The following NCAPD3 variants were observed in gnomAD, a reference collection of about 807,000 sequenced individuals.
The protein encoded by NCAPD3 is non-SMC condensin II complex subunit D3, also known as condensin-2 complex subunit D3.
Under a neutral mutation model 182.9 loss-of-function variants are expected in NCAPD3, and 105 were observed. That is an observed-to-expected ratio of 0.57 (90% CI 0.49 to 0.68). NCAPD3 has a LOEUF of 0.68. NCAPD3 is among the 30% of genes least tolerant of loss of function. The pLI, the probability that NCAPD3 is intolerant of heterozygous loss-of-function variation, is 0.00. For missense variants in NCAPD3, 1,944 were observed against 1,837.0 expected (o/e 1.06, Z -1.07); for synonymous variants, 815 against 679.9 (o/e 1.20, Z -3.09).
At chr11:134,216,287 C>CAG (rs1938019394) in intron 3 of NCAPD3, among the ~76,000 whole-genome samples, 1 of 152,174 alleles carries the variant, frequency 6.6e-6, no homozygotes, top group Admixed American at 6.5e-5. Flanking sequence ...CAAAGATAAG[C>CAG]AGCAAGGTGA....
chr11:134,219,444 G>C (rs1938148625), intron 2 of NCAPD3, among the ~76,000 whole-genome samples: 1 of 152,116 alleles, frequency 6.6e-6, no homozygotes, highest in Non-Finnish European at 1.5e-5. Context: ...TCCTCCCTGA[G>C]GTCCCTGGGG....
chr11:134,181,127 T>C lies in NCAPD3; in HGVS notation c.2509A>G (p.Asn837Asp), dbSNP rs901837623. The C allele has an allele frequency of 4.3e-6, 7 of 1,614,032 alleles. No individual in the cohort carries two copies. Among genetic ancestry groups the C allele is most frequent in the Non-Finnish European group, 5.9e-6 (7 of 1,180,024 alleles). ...VLSTCEHRLS[N>D]IVLKENGTGN... Reference sequence around the variant, plus strand: ...GTTCCATTCTCCTTGAGAACGATGTTGGAGAGGCGGTGCTCGCAGGTGGAG... The same window carrying C: ...GTTCCATTCTCCTTGAGAACGATGTCGGAGAGGCGGTGCTCGCAGGTGGAG... The change falls in exon 20 of 35, where the codon AAC (asparagine) becomes GAC (aspartate). Residue 837 changes from asparagine to aspartate, a missense_variant. Transcript: ENST00000534548.
At chr11:134,153,501 C>G in intron 32 of NCAPD3, 138 bp from the exon 33 acceptor site, 1 of 839,984 alleles carries the variant, frequency 1.2e-6, no homozygotes, top group Non-Finnish European at 2.0e-6. Context: ...TGGACCCTGT[C>G]CCAGGGCCTG....
intron 16 of NCAPD3, among the ~76,000 whole-genome samples, chr11:134,190,679 A>G (rs1944505406): frequency 6.6e-6 from 1 of 152,080 alleles, no homozygotes; most frequent in Non-Finnish European, 1.5e-5. Flanking sequence ...GTCTCACCAC[A>G]TTGCCAGGGA....
At chr11:134,190,235 A>C (rs1792707377) in intron 16 of NCAPD3, among the ~76,000 whole-genome samples, 1 of 152,178 alleles carries the variant, frequency 6.6e-6, no homozygotes, top group South Asian at 2.1e-4. Flanking sequence ...AATGCCAATC[A>C]GCATCTCTAA....
chr11:134,159,492 A>G (rs1406701615), intron 29 of NCAPD3, among the ~76,000 whole-genome samples: 1 of 152,228 alleles, frequency 6.6e-6, no homozygotes, highest in African/African-American at 2.4e-5. Context: ...CTTTGTGCTC[A>G]TTGGTCTTTC....
intron 16 of NCAPD3, among the ~76,000 whole-genome samples, chr11:134,190,015 A>C (rs560276903): frequency 6.6e-6 from 1 of 152,208 alleles, no homozygotes; most frequent in Non-Finnish European, 1.5e-5. Context: ...GAAGTCATTT[A>C]CATTTATAGA....
At chr11:134,205,044 A>G (rs1242428059) in intron 8 of NCAPD3, 73 bp from the exon 9 acceptor site, 2 of 1,139,884 alleles carry the variant, frequency 1.8e-6, no homozygotes, top group Non-Finnish European at 2.6e-6. Context: ...CTACTCCTAT[A>G]TTTAGAAATC....
chr11:134,153,391 G>A (rs1943319744), intron 32 of NCAPD3, 28 bp from the exon 33 acceptor site: 2 of 1,610,158 alleles, frequency 1.2e-6, no homozygotes, highest in Admixed American at 3.3e-5. Context: ...ACCACTGAGT[G>A]AAAGCCGCGT....
At chr11:134,219,184 C>A (rs1316694331) in intron 2 of NCAPD3, among the ~76,000 whole-genome samples, 1 of 152,204 alleles carries the variant, frequency 6.6e-6, no homozygotes, top group Non-Finnish European at 1.5e-5. Flanking sequence ...TGCCTTACAA[C>A]CCAAGCTTCT....
chr11:134,191,078 C>A (rs1418927706), intron 16 of NCAPD3, among the ~76,000 whole-genome samples: 2 of 152,226 alleles, frequency 1.3e-5, no homozygotes, highest in Non-Finnish European at 2.9e-5. Flanking sequence ...GCCTTCAATG[C>A]ACATCTTCTG....
In NCAPD3 at chr11:134,216,995, T is replaced by C. The variant is rs1245539534; in HGVS notation, c.323A>G (p.Gln108Arg). 3.1e-6 allele frequency: 5 copies of C among 1,614,052 alleles called. No individual in the cohort carries two copies. The highest frequency in any genetic ancestry group is 2.2e-5 in the East Asian group (1 of 44,876). Residue 108 changes from glutamine (Q) to arginine (R), a missense_variant, in exon 3 of 35, where the codon CAG becomes CGG. By Grantham distance (43) the Gln-to-Arg change is conservative. Around this residue, in one of 3 missense-constraint regions of NCAPD3, gnomAD observed 131 missense variants for 133.9 expected, o/e 0.98. Coordinates refer to ENST00000534548, the MANE Select transcript of NCAPD3 (RefSeq NM_015261.3). ...GGCATGAAGGCCATATTCTCGATACTGTACACTGACATTCTTCTTATGAAC... is the reference window on the plus strand; with the variant it reads ...GGCATGAAGGCCATATTCTCGATACCGTACACTGACATTCTTCTTATGAAC... ...QIVHKKNVSV[Q>R]YREYGLHAAG...
At position 134,157,824 on chromosome 11, in the gene NCAPD3, T is replaced by C; in HGVS notation, c.4174+104A>G. 3.9e-6 allele frequency: 5 copies of C among 1,278,036 alleles called. No homozygotes were observed. The South Asian group carries it at 6.9e-5, about 18-fold the overall frequency. 79.2% of individuals were successfully genotyped at this position (1,278,036 alleles called of 1,614,324 possible). ...AAAGCCCAATTAACGTTATTTGTTTTAAAGATAAGAAAACACACCGCTTTG... is the reference window on the plus strand; with the variant it reads ...AAAGCCCAATTAACGTTATTTGTTTCAAAGATAAGAAAACACACCGCTTTG... On this transcript the variant is annotated intron_variant, in intron 31 of 34. Coordinates refer to ENST00000534548, the MANE Select transcript of NCAPD3 (RefSeq NM_015261.3).
Position 134,176,346 on chromosome 11 carries a change from A to G in NCAPD3, c.3062T>C (p.Phe1021Ser). The change falls in exon 24 of 35, where the codon TTT (phenylalanine) becomes TCT (serine). Residue 1021 changes from phenylalanine (F) to serine (S), a missense_variant. By Grantham distance (155) the Phe-to-Ser change is radical. This residue lies in a region of NCAPD3 where 1,803 missense variants were observed against 1,674.6 expected (regional missense o/e 1.08). Transcript: ENST00000534548. ...VKWKGSLFFR[F>S]VSTLIDSHPD... ...GTGTGAATCGATCAGAGTGCTGACA[A>G]ATCGGAAGAACAGGGAGCCCTTCCA... The G allele has an allele frequency of 6.2e-7, 1 of 1,614,140 alleles. No individual in the cohort carries two copies. The highest frequency in any genetic ancestry group is 8.5e-7 in the Non-Finnish European group (1 of 1,179,990).
intron 24 of NCAPD3, 96 bp downstream of exon 24, chr11:134,176,211 T>G (rs2135973077): frequency 9.1e-7 from 1 of 1,100,898 alleles, no homozygotes; most frequent in Non-Finnish European, 1.3e-6. Context: ...CACTAAATCC[T>G]ACTTAACTCT....
intron 27 of NCAPD3, among the ~76,000 whole-genome samples, chr11:134,164,136 G>A (rs920042067): frequency 6.6e-6 from 1 of 152,154 alleles, no homozygotes; most frequent in African/African-American, 2.4e-5. Flanking sequence ...TGGCAATCCA[G>A]GCTAGGAGGA....
At chr11:134,161,411 GT>G (rs1332468693) in intron 28 of NCAPD3, among the ~76,000 whole-genome samples, 2 of 152,140 alleles carry the variant, frequency 1.3e-5, no homozygotes, top group African/African-American at 4.8e-5. Context: ...AGTGCAAAAG[GT>G]AAGCACCCTG....
intron 3 of NCAPD3, among the ~76,000 whole-genome samples, chr11:134,215,041 A>C (rs1937965200): frequency 6.6e-6 from 1 of 152,258 alleles, no homozygotes. Context: ...AAATTGGTTT[A>C]ATATGTGAAA....
In NCAPD3 at chr11:134,168,053, ATCT is replaced by A. The variant is rs757369291; in HGVS notation, c.3513_3515del (p.Glu1171del). ...TGACTACATTTGCCAAGGCCATGTC[ATCT>A]TCTTCCATAAGGAGGTCTTTGTCTG... On this transcript the variant is annotated inframe_deletion, in exon 27 of 35. Transcript: ENST00000534548. 50 of 1,614,032 alleles carry A rather than the reference ATCT, an allele frequency of 3.1e-5. No individual in the cohort carries two copies. The highest frequency in any genetic ancestry group is 3.6e-5 in the Non-Finnish European group (43 of 1,180,006).
Sources: allele counts gnomAD v4.1 joint callset (sites outside exome capture counted in the v4.1 genomes callset), GRCh38; gene constraint gnomAD v4.1.1; regional missense constraint gnomAD v4.1.1; transcripts MANE v1.5; gene names NCBI Gene and HGNC (gene_info 2026-07-23, HGNC 2026-07-21).